Variants in KLK4 observed in about 807,000 individuals in gnomAD.
The protein encoded by KLK4 is kallikrein-4.
A neutral mutation model predicts 24.3 loss-of-function variants in KLK4; 24 were observed. The ratio of observed to expected loss-of-function variants is 0.99; its 90% CI spans 0.72 to 1.39. The LOEUF is 1.39. Among genes scored for constraint, KLK4 ranks in the 40% most tolerant of loss-of-function variants. The pLI, the probability that KLK4 is intolerant of heterozygous loss-of-function variation, is 0.00. For synonymous variants in KLK4, 142 were observed against 138.8 expected (o/e 1.02, Z -0.16); for missense variants, 344 against 327.4 (o/e 1.05, Z -0.39).
At chr19:50,909,483 C>A (rs2090466846) in intron 2 of KLK4, 69 bp from the exon 3 acceptor site, 9 of 1,517,094 alleles carry the variant, frequency 5.9e-6, no homozygotes, top group Non-Finnish European at 7.3e-6. Flanking sequence ...GTGGGCTTAC[C>A]GAGCAGGGGC....
exon 4 of KLK4, chr19:50,908,767 A>G (rs766934324): frequency 3.7e-6 from 6 of 1,608,744 alleles, no homozygotes; most frequent in African/African-American, 1.3e-5. Context: ...GGCCTCCACC[A>G]TCTGGCTCCC....
At position 50,907,190 on chromosome 19, in the gene KLK4, A is replaced by C. The variant is rs1486786697; in HGVS notation, c.613-104T>G. 40 of 1,176,954 alleles carry C rather than the reference A, an allele frequency of 3.4e-5. 1 individual carries two copies. In the South Asian group the frequency reaches 5.0e-4, roughly 15 times the overall value. The allele number at this position is 1,176,954 out of a possible 1,614,324, so 72.9% of individuals were successfully genotyped here. A position where few individuals can be genotyped will look rare whatever the true frequency, so the allele number is the denominator to read the frequency against. ...GAGACTGAGAAACAAAGACAGAACC[A>C]TCATCAATAACAACATAGCCCAGCA... is the stretch of plus-strand genomic sequence containing the variant. On this transcript the variant is annotated intron_variant, in intron 5 of 5. Coordinates refer to ENST00000324041, the Ensembl canonical transcript of KLK4.
intron 5 of KLK4, among the ~76,000 whole-genome samples, chr19:50,907,656 C>G (rs1238677838): frequency 1.3e-5 from 2 of 152,060 alleles, no homozygotes; most frequent in Non-Finnish European, 2.9e-5. Flanking sequence ...ATCTGCCTGC[C>G]TCGCCTCCCA....
chr19:50,907,404 CTTTTTTTTT>C (rs147857832), intron 5 of KLK4, among the ~76,000 whole-genome samples: 1 of 110,726 alleles, frequency 9.0e-6, no homozygotes, highest in Non-Finnish European at 1.8e-5. Flanking sequence ...TTTGTAAAGT[CTTTTTTTTT>C]TTTTTTTTTT....
At chr19:50,906,941 G>C in exon 6 of KLK4, 1 of 1,614,128 alleles carries the variant, frequency 6.2e-7, no homozygotes, top group Non-Finnish European at 8.5e-7. Context: ...GAGTTAACTG[G>C]CCTGGACGGT....
At position 50,910,526 on chromosome 19, in the gene KLK4, T is replaced by A. The variant is rs1409332630; in HGVS notation, c.61+152A>T. ...CACAAATTTACCACGATACAAGGAG[T>A]TGCAGGGGCACAGCCATGGGGGACG... On this transcript the variant is annotated intron_variant, in intron 2 of 5. Coordinates refer to ENST00000324041, the Ensembl canonical transcript of KLK4. This position sits in a 1 kb window ranked among gnomAD's most constrained non-coding sequence, Gnocchi z 4.4. 5 of 749,062 alleles carry A rather than the reference T, an allele frequency of 6.7e-6. No homozygotes were observed. Among genetic ancestry groups the A allele is most frequent in the East Asian group, 2.7e-5 (1 of 37,022 alleles). 46.4% of individuals were successfully genotyped at this position (749,062 alleles called of 1,614,324 possible).
chr19:50,908,245 G>T, intron 5 of KLK4, 114 bp downstream of exon 5: 1 of 1,229,412 alleles, frequency 8.1e-7, no homozygotes, highest in Non-Finnish European at 1.2e-6. Context: ...AGTTGTCACT[G>T]TCTCCCTGTG....
exon 6 of KLK4, chr19:50,906,999 G>C: frequency 6.2e-7 from 1 of 1,614,110 alleles, no homozygotes; most frequent in Non-Finnish European, 8.5e-7. Context: ...TAGACACCTG[G>C]CACGCCAACT....
rs142492326 is a variant in KLK4, at chr19:50,906,943, C to T, written c.756G>A (p.Gln252=). ...TTCCCAGTCCCCAGAGTTAACTGGC[C>T]TGGACGGTTTTCTCTATCCACTCAG... The change falls in exon 6 of 6, where the codon CAG becomes CAA. Residue 252 remains glutamine (Q), a synonymous_variant. Coordinates refer to ENST00000324041, the Ensembl canonical transcript of KLK4. 372 of 1,614,016 alleles carry T rather than the reference C, an allele frequency of 2.3e-4. No homozygotes were observed. The highest frequency in any genetic ancestry group is 3.3e-4 in the Middle Eastern group (2 of 6,084).
chr19:50,906,818 G>T, exon 6 of KLK4: 2 of 1,305,640 alleles, frequency 1.5e-6, no homozygotes, highest in South Asian at 1.2e-5. Flanking sequence ...GAGGGAGGAG[G>T]GGCTGGGGGC....
rs374093305 is a variant in KLK4 at position 50,908,359 on chromosome 19, G to T, written c.612C>A (p.Asn204Lys). The T allele has an allele frequency of 1.1e-5, 17 of 1,612,602 alleles. No individual in the cohort carries two copies. The East Asian group carries it at 1.8e-4, about 17-fold the overall frequency. The change falls in exon 5 of 6, where the codon AAC (asparagine) becomes AAA (lysine). Residue 204 changes from asparagine to lysine, a missense_variant and splice_region_variant. Physicochemically the swap from Asn to Lys is moderately conservative, Grantham distance 94. Coordinates refer to ENST00000324041, the Ensembl canonical transcript of KLK4. ...TGCCCTCCCCTTTCCCCTCTCTCAC[G>T]TTGCAGGAGTCCTTCTGGTCTTGCC...
exon 3 of KLK4, chr19:50,909,294 A>C: frequency 6.2e-7 from 1 of 1,614,206 alleles, no homozygotes; most frequent in Non-Finnish European, 8.5e-7. Context: ...CTGCGGATGC[A>C]CCAGGACGCC....
Position 50,910,608 on chromosome 19 carries a change from G to T in KLK4, c.61+70C>A. On this transcript the variant is annotated intron_variant, in intron 2 of 5. Transcript: ENST00000324041. The surrounding 1 kb of genome is among the most constrained non-coding windows in gnomAD (Gnocchi z 4.4). ...GCAGTCACAAGCAAGAGGACACTGAGTCACACCTGAACATTAACAAACACT... is the reference window on the plus strand; with the variant it reads ...GCAGTCACAAGCAAGAGGACACTGATTCACACCTGAACATTAACAAACACT... 2 of 1,409,866 alleles carry T rather than the reference G, an allele frequency of 1.4e-6. No individual in the cohort carries two copies. Among genetic ancestry groups the T allele is most frequent in the Non-Finnish European group, 2.0e-6 (2 of 1,018,176 alleles). 87.3% of individuals were successfully genotyped at this position (1,409,866 alleles called of 1,614,324 possible).
At chr19:50,908,753 G>A (rs1296053482) in exon 4 of KLK4, 1 of 1,614,068 alleles carries the variant, frequency 6.2e-7, no homozygotes. Context: ...CGTACGGAGA[G>A]GCTGGCCTCC....
exon 6 of KLK4, chr19:50,906,961 C>G: frequency 6.2e-7 from 1 of 1,614,146 alleles, no homozygotes; most frequent in Non-Finnish European, 8.5e-7. Flanking sequence ...TTTTCTCTAT[C>G]CACTCAGTGA....
At chr19:50,909,269 G>T in exon 3 of KLK4, 1 of 1,614,162 alleles carries the variant, frequency 6.2e-7, no homozygotes, top group Non-Finnish European at 8.5e-7. Context: ...AACAGTGTGC[G>T]GCTGACAGCA....
At chr19:50,907,000 C>T (rs1185088972) in exon 6 of KLK4, 5 of 1,614,150 alleles carry the variant, frequency 3.1e-6, no homozygotes, top group Non-Finnish European at 4.2e-6. Flanking sequence ...AGACACCTGG[C>T]ACGCCAACTT....
intron 2 of KLK4, among the ~76,000 whole-genome samples, chr19:50,909,880 T>TG (rs2090471997): frequency 6.6e-6 from 1 of 150,736 alleles, no homozygotes; most frequent in Non-Finnish European, 1.5e-5. Flanking sequence ...CTCCTAGGGT[T>TG]GGGGTTACAG....
At chr19:50,909,377 G>A (rs1600047906) in exon 3 of KLK4, 1 of 1,614,156 alleles carries the variant, frequency 6.2e-7, no homozygotes. Context: ...AGTCCTCGCC[G>A]TTTATGATTT....
Sources: allele counts gnomAD v4.1 joint callset (sites outside exome capture counted in the v4.1 genomes callset), GRCh38; gene constraint gnomAD v4.1.1; non-coding constraint Gnocchi (gnomAD v3.1); transcripts MANE v1.5; gene names NCBI Gene and HGNC (gene_info 2026-07-23, HGNC 2026-07-21).